The following PDE4D variants were observed in gnomAD, a reference collection of about 807,000 sequenced individuals.
PDE4D encodes 3',5'-cyclic-AMP phosphodiesterase 4D.
In PDE4D, 24 loss-of-function variants were observed where a neutral mutation model predicts 87.4. The observed-to-expected ratio is 0.27, with a 90% CI of 0.20 to 0.39. PDE4D has a LOEUF of 0.39. Among genes scored for constraint, PDE4D ranks in the 10% least tolerant of loss-of-function variants. The pLI is 1.00. For synonymous variants in PDE4D, 384 were observed against 383.2 expected, an observed-to-expected ratio of 1.00 and a Z score of -0.02; for missense variants, 714 against 1,041.0, an observed-to-expected ratio of 0.69 and a Z score of 4.32.
chr5:60,127,830 C>G (rs1347259705), intron 2 of PDE4D: 3 of 441,156 alleles, frequency 6.8e-6, no homozygotes, highest in African/African-American at 6.0e-5. Context: ...ATTGGCGAGT[C>G]CTTAGTATAT....
chr5:60,402,569 C>G (rs112473535), intron 1 of PDE4D, among the ~76,000 whole-genome samples: 2 of 152,188 alleles, frequency 1.3e-5, no homozygotes, highest in Non-Finnish European at 2.9e-5. Flanking sequence ...TCTGGCAGTC[C>G]GTGGTTGCAC....
intron 1 of PDE4D, among the ~76,000 whole-genome samples, chr5:59,300,825 C>T (rs1045478895): frequency 1.3e-5 from 2 of 152,150 alleles, no homozygotes; most frequent in Non-Finnish European, 2.9e-5. Context: ...CAAGTGTGGG[C>T]CTCTGGAGCT....
chr5:58,974,312 CAAAT>C lies in PDE4D; in HGVS notation c.*348_*351del, dbSNP rs35684984. On this transcript the variant is annotated 3_prime_UTR_variant, in exon 15 of 15. Coordinates refer to ENST00000340635, the MANE Select transcript of PDE4D (RefSeq NM_001104631.2). Reference sequence around the variant, plus strand: ...GCCTTTCTTCTGAAAATATTGCAAACAAATAAAAAGGAATAGAAACCCCAAGTCC... The same window carrying C: ...GCCTTTCTTCTGAAAATATTGCAAACAAAAAGGAATAGAAACCCCAAGTCC... 0.16 allele frequency: 27,468 copies of C among 170,332 alleles called. 2,319 individuals carry two copies. The highest frequency in any genetic ancestry group is 0.19 in the East Asian group (1,187 of 6,336). The allele number at this position is 170,332 out of a possible 1,614,324, so 10.6% of individuals were successfully genotyped here.
intron 9 of PDE4D, 116 bp downstream of exon 9, chr5:58,990,688 G>T (rs779110473): frequency 3.3e-6 from 2 of 614,768 alleles, no homozygotes; most frequent in Non-Finnish European, 5.7e-6. Context: ...AAGGATAAAA[G>T]TATAAAAATA....
intron 5 of PDE4D, among the ~76,000 whole-genome samples, chr5:59,144,889 A>G (rs1778375790): frequency 4.7e-4 from 1 of 2,138 alleles, no homozygotes; most frequent in Admixed American, 6.8e-3. Context: ...ATAGGGTTTA[A>G]TGGGGGGGGG....
intron 2 of PDE4D, among the ~76,000 whole-genome samples, chr5:60,002,732 A>T (rs947565204): frequency 6.6e-6 from 1 of 152,212 alleles, no homozygotes; most frequent in Non-Finnish European, 1.5e-5. Context: ...ACATCCTTTC[A>T]TGACAAAAAC....
At chr5:59,089,868 A>T (rs1768372216) in intron 5 of PDE4D, among the ~76,000 whole-genome samples, 1 of 152,138 alleles carries the variant, frequency 6.6e-6, no homozygotes, top group Admixed American at 6.5e-5. Flanking sequence ...AATATGTTAA[A>T]ATTACTTTTA....
chr5:59,788,919 A>G (rs74951614), intron 1 of PDE4D, among the ~76,000 whole-genome samples: 3,583 of 152,338 alleles, frequency 0.024, 118 homozygotes, highest in African/African-American at 0.071. Context: ...GCTTTACAAA[A>G]AGAAAATAAA....
chr5:59,671,231 G>A (rs892749311), intron 1 of PDE4D, among the ~76,000 whole-genome samples: 1 of 152,142 alleles, frequency 6.6e-6, no homozygotes, highest in African/African-American at 2.4e-5. Context: ...TTGATTGCCT[G>A]CTTTGAGTTA....
intron 1 of PDE4D, among the ~76,000 whole-genome samples, chr5:59,509,833 A>G (rs1178059363): frequency 6.8e-6 from 1 of 147,882 alleles, no homozygotes; most frequent in Non-Finnish European, 1.5e-5. Flanking sequence ...TAATTATATT[A>G]TAAACTTTAT....
At chr5:60,018,829 G>A (rs1479930619) in intron 2 of PDE4D, among the ~76,000 whole-genome samples, 1 of 152,160 alleles carries the variant, frequency 6.6e-6, no homozygotes, top group African/African-American at 2.4e-5. Context: ...TGAACAGCCA[G>A]ATTCATAGAA....
chr5:59,840,972 A>T (rs2152707544), intron 1 of PDE4D, among the ~76,000 whole-genome samples: 1 of 152,082 alleles, frequency 6.6e-6, no homozygotes, highest in East Asian at 1.9e-4. Flanking sequence ...AGAGAGGTAA[A>T]ATGTTTTGTC....
intron 5 of PDE4D, among the ~76,000 whole-genome samples, chr5:59,046,034 T>TA (rs1433393966): frequency 1.3e-5 from 2 of 152,202 alleles, no homozygotes; most frequent in Non-Finnish European, 2.9e-5. Flanking sequence ...TTCTTGCTCT[T>TA]AAAAACTACA....
At chr5:59,933,409 C>T (rs1225465173) in intron 3 of PDE4D, among the ~76,000 whole-genome samples, 3 of 152,140 alleles carry the variant, frequency 2.0e-5, no homozygotes. Context: ...TTTTGGAATC[C>T]TACAGTGAAA....
intron 2 of PDE4D, among the ~76,000 whole-genome samples, chr5:60,079,138 T>C (rs1361883809): frequency 6.6e-6 from 1 of 152,210 alleles, no homozygotes. Context: ...TGATGATCCA[T>C]GACATTGAGC....
At chr5:60,426,653 G>A (rs545772189) in intron 1 of PDE4D, among the ~76,000 whole-genome samples, 11 of 152,114 alleles carry the variant, frequency 7.2e-5, no homozygotes, top group Admixed American at 3.9e-4. Flanking sequence ...CACGCTGTGC[G>A]CATGTACCCT....
At chr5:59,821,194 C>A (rs1769607172) in intron 1 of PDE4D, among the ~76,000 whole-genome samples, 1 of 152,120 alleles carries the variant, frequency 6.6e-6, no homozygotes, top group South Asian at 2.1e-4. Context: ...GATCGTGCCA[C>A]TGCACTCCAG....
chr5:59,790,155 C>T (rs1256626332), intron 1 of PDE4D, among the ~76,000 whole-genome samples: 2 of 152,144 alleles, frequency 1.3e-5, no homozygotes, highest in Non-Finnish European at 2.9e-5. Context: ...AGTTTAGTGA[C>T]ATGTAGAGCC....
chr5:59,593,298 G>A lies in PDE4D; in HGVS notation c.455+299870C>T, dbSNP rs184504220. Among the ~76,000 whole-genome samples, 31 of 149,606 alleles carry A rather than the reference G, an allele frequency of 2.1e-4. No individual in the cohort carries two copies. The East Asian group carries it at 5.7e-3, about 27-fold the overall frequency. On this transcript the variant is annotated intron_variant, in intron 1 of 14. Coordinates refer to ENST00000340635, the MANE Select transcript of PDE4D (RefSeq NM_001104631.2). The stretch of plus-strand genomic sequence containing the variant: ...CTCATATTATCAGCTGGGCATGGTG[G>A]TTCGCACCTGTAATGGCTCTCAAAA...
Sources: gnomAD v4.1 joint callset for allele counts (sites outside exome capture counted in the v4.1 genomes callset) on GRCh38, gnomAD v4.1.1 for gene constraint, MANE v1.5 for transcripts, NCBI Gene and HGNC (gene_info 2026-07-23, HGNC 2026-07-21) for gene names.